SSBP2: variants seen among roughly 807,000 people sequenced by gnomAD.
SSBP2 encodes the protein single stranded DNA binding protein 2.
In SSBP2, 17 loss-of-function variants were observed where a neutral mutation model predicts 61.8. The observed-to-expected ratio is 0.28, with a 90% CI of 0.19 to 0.41. The LOEUF is 0.41. SSBP2 is among the 10% of genes least tolerant of loss of function. The pLI, the probability that SSBP2 is intolerant of heterozygous loss-of-function variation, is 1.00. For synonymous variants in SSBP2, 139 were observed against 141.3 expected, an observed-to-expected ratio of 0.98 and a Z score of 0.12; for missense variants, 310 against 458.7, an observed-to-expected ratio of 0.68 and a Z score of 2.96.
chr5:81,710,817 T>C (rs1456371345), intron 1 of SSBP2: 1 of 383,860 alleles, frequency 2.6e-6, no homozygotes, highest in Non-Finnish European at 5.2e-6. Flanking sequence ...TAGGCAAAAA[T>C]TGGCAGGAAG....
At chr5:81,695,484 T>C (rs985156705) in intron 1 of SSBP2, among the ~76,000 whole-genome samples, 4 of 149,400 alleles carry the variant, frequency 2.7e-5, no homozygotes, top group African/African-American at 7.4e-5. Flanking sequence ...TTTCTCTTAA[T>C]GCTATCCCTC....
intron 3 of SSBP2, among the ~76,000 whole-genome samples, chr5:81,630,984 A>G (rs1747649994): frequency 6.6e-6 from 1 of 152,228 alleles, no homozygotes. Flanking sequence ...CCATTTGTAG[A>G]CTTCACTGGA....
At chr5:81,516,335 A>C (rs1019686111) in intron 4 of SSBP2, among the ~76,000 whole-genome samples, 5 of 152,070 alleles carry the variant, frequency 3.3e-5, no homozygotes, top group Admixed American at 6.6e-5. Flanking sequence ...ACAACAAGAG[A>C]AGTGTCTTGA....
intron 4 of SSBP2, among the ~76,000 whole-genome samples, chr5:81,557,917 G>A (rs1372808863): frequency 6.6e-6 from 1 of 152,072 alleles, no homozygotes; most frequent in Non-Finnish European, 1.5e-5. Context: ...ATTTTACTTT[G>A]TTGGGTGCTG....
intron 1 of SSBP2, among the ~76,000 whole-genome samples, chr5:81,716,141 G>C (rs1755157502): frequency 6.6e-6 from 1 of 151,144 alleles, no homozygotes; most frequent in African/African-American, 2.4e-5. Context: ...GAAGTCAATA[G>C]ATAGCGTCAA....
intron 1 of SSBP2, among the ~76,000 whole-genome samples, chr5:81,685,646 C>T (rs1752716041): frequency 6.6e-6 from 1 of 152,104 alleles, no homozygotes; most frequent in East Asian, 1.9e-4. Context: ...TTCTTTTGTT[C>T]TTGCGGTAGG....
At chr5:81,673,592 C>CTA (rs1462416414) in intron 1 of SSBP2, among the ~76,000 whole-genome samples, 1 of 151,838 alleles carries the variant, frequency 6.6e-6, no homozygotes. Context: ...CATTAATAGA[C>CTA]TATAAGAACT....
At chr5:81,617,977 G>A (rs1294562829) in intron 3 of SSBP2, among the ~76,000 whole-genome samples, 9 of 134,378 alleles carry the variant, frequency 6.7e-5, no homozygotes, top group Admixed American at 7.7e-5. Flanking sequence ...AGGAACAACC[G>A]GTACCAGCTG....
At chr5:81,660,840 A>G (rs1372110752) in intron 1 of SSBP2, among the ~76,000 whole-genome samples, 1 of 152,232 alleles carries the variant, frequency 6.6e-6, no homozygotes, top group East Asian at 1.9e-4. Flanking sequence ...AAAAAGAATG[A>G]GATCATGTTC....
chr5:81,719,202 G>T (rs553900553), intron 1 of SSBP2, among the ~76,000 whole-genome samples: 1 of 152,280 alleles, frequency 6.6e-6, no homozygotes, highest in South Asian at 2.1e-4. Context: ...AATTCATGGG[G>T]TGTTTTCAAA....
chr5:81,616,748 G>C (rs1746094032), intron 3 of SSBP2, among the ~76,000 whole-genome samples: 1 of 150,672 alleles, frequency 6.6e-6, no homozygotes, highest in African/African-American at 2.4e-5. Context: ...CACGCAGCTG[G>C]AGATCTGAGA....
intron 4 of SSBP2, among the ~76,000 whole-genome samples, chr5:81,541,086 T>C (rs999010375): frequency 1.3e-5 from 2 of 151,928 alleles, no homozygotes; most frequent in Admixed American, 6.5e-5. Flanking sequence ...GTCAATTCAA[T>C]GGAAAAAAAA....
At chr5:81,646,875 G>A (rs1263929161) in intron 2 of SSBP2, among the ~76,000 whole-genome samples, 1 of 151,782 alleles carries the variant, frequency 6.6e-6, no homozygotes, top group Non-Finnish European at 1.5e-5. Context: ...AGGTGGAGAG[G>A]GGAGGAGAGT....
chr5:81,579,090 A>G (rs1554090938), intron 4 of SSBP2, among the ~76,000 whole-genome samples: 1 of 152,094 alleles, frequency 6.6e-6, no homozygotes, highest in Non-Finnish European at 1.5e-5. Context: ...GGAAGGTAGC[A>G]AGAGGCAAAA....
intron 10 of SSBP2, among the ~76,000 whole-genome samples, chr5:81,454,131 G>A (rs1763969962): frequency 6.6e-6 from 1 of 152,196 alleles, no homozygotes. Context: ...TCTAGGAGAA[G>A]GTGGTGAGGG....
intron 1 of SSBP2, among the ~76,000 whole-genome samples, chr5:81,684,677 G>A (rs908713959): frequency 6.6e-6 from 1 of 152,088 alleles, no homozygotes; most frequent in Non-Finnish European, 1.5e-5. Context: ...TGGAACAGGA[G>A]CATTTACCCG....
intron 3 of SSBP2, among the ~76,000 whole-genome samples, chr5:81,632,823 A>C (rs941548024): frequency 1.3e-5 from 2 of 152,206 alleles, no homozygotes; most frequent in African/African-American, 4.8e-5. Context: ...ATCATAGATG[A>C]ACCATTTTAA....
chr5:81,451,520 G>C (rs982081963), intron 10 of SSBP2, among the ~76,000 whole-genome samples: 1 of 152,092 alleles, frequency 6.6e-6, no homozygotes, highest in East Asian at 1.9e-4. Context: ...TCTGCCTCCT[G>C]GGTTCAAGCG....
At chr5:81,689,066 G>GA (rs1290045618) in intron 1 of SSBP2, among the ~76,000 whole-genome samples, 4 of 151,944 alleles carry the variant, frequency 2.6e-5, no homozygotes, top group African/African-American at 7.3e-5. Context: ...TTCTGAAGTT[G>GA]AAAAACGCAA....
Sources: allele counts gnomAD v4.1 joint callset (sites outside exome capture counted in the v4.1 genomes callset), GRCh38; gene constraint gnomAD v4.1.1; transcripts MANE v1.5; gene names NCBI Gene and HGNC (gene_info 2026-07-23, HGNC 2026-07-21).